The following CIRSR variants were observed in gnomAD, a reference collection of about 807,000 sequenced individuals.
CIRSR encodes CBF1 (RBPJ) interacting corepressor 1.
the CIRSR span, among the ~76,000 whole-genome samples, chr2:174,395,013 C>G: frequency 1.8e-4 from 27 of 152,344 alleles, no homozygotes; most frequent in African/African-American, 6.5e-4. Context: ...GACTCCAAAG[C>G]TGATTCTTTC....
chr2:174,387,904 C>T, the CIRSR span: 25 of 731,738 alleles, frequency 3.4e-5, no homozygotes, highest in Non-Finnish European at 4.6e-5. Flanking sequence ...CTTTTGGCTT[C>T]CCTGGGCCAC....
the CIRSR span, chr2:174,380,591 A>C: frequency 2.8e-6 from 4 of 1,416,980 alleles, no homozygotes; most frequent in Non-Finnish European, 3.9e-6. Context: ...ATAAGATGGG[A>C]TATCAGTAAA....
the CIRSR span, chr2:174,351,635 G>A: frequency 6.2e-6 from 10 of 1,613,076 alleles, no homozygotes; most frequent in East Asian, 2.2e-4. Context: ...TGGATCATTT[G>A]CGGTCAAGTT....
chr2:174,350,856 A>C, the CIRSR span: 1 of 760,796 alleles, frequency 1.3e-6, no homozygotes, highest in East Asian at 2.9e-5. Flanking sequence ...ACTGTAGATG[A>C]ATATGATATT....
At chr2:174,381,750 C>CTT in the CIRSR span, 1 of 1,596,948 alleles carries the variant, frequency 6.3e-7, no homozygotes, top group Non-Finnish European at 8.5e-7. Flanking sequence ...TAAGGCCATT[C>CTT]TTTACACGTT....
the CIRSR span, among the ~76,000 whole-genome samples, chr2:174,354,656 TTATATAA>T: frequency 2.2e-5 from 2 of 92,132 alleles, no homozygotes; most frequent in Non-Finnish European, 2.0e-5. Flanking sequence ...TTTTTATATA[TTATATAA>T]TATATATTAT....
the CIRSR span, chr2:174,387,816 G>C: frequency 6.6e-7 from 1 of 1,505,858 alleles, no homozygotes; most frequent in Non-Finnish European, 8.9e-7. Context: ...TTAAATTGTT[G>C]GATTTAAATT....
chr2:174,365,495 T>C, the CIRSR span, among the ~76,000 whole-genome samples: 1 of 152,162 alleles, frequency 6.6e-6, no homozygotes, highest in East Asian at 1.9e-4. Flanking sequence ...TAGTCCATTT[T>C]CACATGCTGA....
At chr2:174,351,481 A>G in the CIRSR span, 1 of 563,052 alleles carries the variant, frequency 1.8e-6, no homozygotes, top group Non-Finnish European at 3.0e-6. Context: ...CAAAATCAAA[A>G]CACATTTTGG....
At chr2:174,370,399 G>A in the CIRSR span, among the ~76,000 whole-genome samples, 1 of 152,138 alleles carries the variant, frequency 6.6e-6, no homozygotes, top group Non-Finnish European at 1.5e-5. Flanking sequence ...AAATAAATCT[G>A]CAATTCAAAC....
the CIRSR span, chr2:174,349,040 A>T: frequency 6.3e-7 from 1 of 1,597,676 alleles, no homozygotes; most frequent in Admixed American, 1.7e-5. Flanking sequence ...AAGTCTCAGT[A>T]GAGGAAGAGG....
At chr2:174,358,317 G>A in the CIRSR span, 1 of 152,208 alleles carries the variant, frequency 6.6e-6, no homozygotes, top group Non-Finnish European at 1.5e-5. Context: ...TCAGCTCACT[G>A]CAACTTCCAC....
the CIRSR span, among the ~76,000 whole-genome samples, chr2:174,389,532 T>C: frequency 2.0e-5 from 3 of 152,188 alleles, no homozygotes. Context: ...CATAAAATTC[T>C]GGAAATTCTG....
the CIRSR span, among the ~76,000 whole-genome samples, chr2:174,365,385 A>G: frequency 2.0e-5 from 3 of 151,868 alleles, no homozygotes; most frequent in Non-Finnish European, 4.4e-5. Context: ...AGCCCTCCAA[A>G]CTGTTCCAAC....
chr2:174,394,171 A>G, the CIRSR span, among the ~76,000 whole-genome samples: 1 of 152,240 alleles, frequency 6.6e-6, no homozygotes, highest in African/African-American at 2.4e-5. Flanking sequence ...AAGAAAGCTG[A>G]TACATTGAAA....
the CIRSR span, among the ~76,000 whole-genome samples, chr2:174,369,409 A>G: frequency 4.6e-5 from 7 of 152,324 alleles, no homozygotes; most frequent in South Asian, 1.0e-3. Flanking sequence ...ATTTTCCTCC[A>G]TATCAGCAGT....
chr2:174,355,038 A>G, the CIRSR span, among the ~76,000 whole-genome samples: 1 of 151,844 alleles, frequency 6.6e-6, no homozygotes, highest in African/African-American at 2.4e-5. Context: ...CAAAGTTCTG[A>G]GTTTAAAGTT....
chr2:174,395,241 G>C, the CIRSR span, among the ~76,000 whole-genome samples: 1 of 152,164 alleles, frequency 6.6e-6, no homozygotes, highest in Non-Finnish European at 1.5e-5. Context: ...GATCCGAAAA[G>C]ACAAAAAACC....
chr2:174,379,479 C>A, the CIRSR span, among the ~76,000 whole-genome samples: 12 of 152,256 alleles, frequency 7.9e-5, no homozygotes, highest in African/African-American at 2.4e-4. Flanking sequence ...ATTCTAACGA[C>A]TCAACTCTGC....
Sources: gnomAD v4.1 joint callset for allele counts (sites outside exome capture counted in the v4.1 genomes callset) on GRCh38, gnomAD v4.1.1 for gene constraint, MANE v1.5 for transcripts, NCBI Gene and HGNC (gene_info 2026-07-23, HGNC 2026-07-21) for gene names.